Variants in ATG10 observed in about 807,000 individuals in gnomAD.
The protein encoded by ATG10 is ubiquitin-like-conjugating enzyme ATG10.
ATG10 carries 30 observed loss-of-function variants against 32.1 expected under a neutral mutation model. That is an observed-to-expected ratio of 0.94 (90% CI 0.70 to 1.27). ATG10 has a LOEUF of 1.27. Among genes scored for constraint, ATG10 ranks in the 50% most tolerant of loss-of-function variants. The pLI is 0.00. For synonymous variants in ATG10, 87 were observed against 91.5 expected (o/e 0.95, Z 0.28); for missense variants, 233 against 262.3 (o/e 0.89, Z 0.77).
intron 4 of ATG10, among the ~76,000 whole-genome samples, chr5:82,174,696 T>A (rs2149916695): frequency 6.6e-6 from 1 of 152,290 alleles, no homozygotes; most frequent in African/African-American, 2.4e-5. Context: ...TTGGTTGAAT[T>A]TGCTGAATAA....
At chr5:82,203,733 TG>T (rs1185138698) in intron 5 of ATG10, among the ~76,000 whole-genome samples, 6 of 152,296 alleles carry the variant, frequency 3.9e-5, no homozygotes, top group Admixed American at 1.3e-4. Flanking sequence ...CTGTTTGTTC[TG>T]TCTTTTTGAT....
At chr5:82,036,706 G>A (rs1258010693) in intron 2 of ATG10, among the ~76,000 whole-genome samples, 1 of 151,890 alleles carries the variant, frequency 6.6e-6, no homozygotes, top group Non-Finnish European at 1.5e-5. Context: ...ATACATTTTA[G>A]AATTACTTTA....
intron 2 of ATG10, among the ~76,000 whole-genome samples, chr5:81,992,859 A>G (rs1180861260): frequency 2.6e-5 from 4 of 152,224 alleles, no homozygotes; most frequent in Non-Finnish European, 5.9e-5. Flanking sequence ...AAAAGCTTAA[A>G]GTAGGCAAAA....
At chr5:82,007,455 A>C (rs1762015021) in intron 2 of ATG10, among the ~76,000 whole-genome samples, 1 of 152,144 alleles carries the variant, frequency 6.6e-6, no homozygotes, top group Admixed American at 6.5e-5. Context: ...AATAGAATTC[A>C]TATTTTATTT....
At chr5:82,054,689 G>T (rs1427986367) in intron 2 of ATG10, among the ~76,000 whole-genome samples, 1 of 152,122 alleles carries the variant, frequency 6.6e-6, no homozygotes, top group Admixed American at 6.6e-5. Context: ...AAACTTGAAG[G>T]TTCCCTTTGT....
intron 2 of ATG10, among the ~76,000 whole-genome samples, chr5:82,051,754 A>C (rs1226576545): frequency 1.3e-5 from 2 of 152,126 alleles, no homozygotes; most frequent in African/African-American, 4.8e-5. Flanking sequence ...CACATTCAGC[A>C]TTGTGTTCTG....
At chr5:82,009,580 A>G in intron 2 of ATG10, 1 of 1,561,272 alleles carries the variant, frequency 6.4e-7, no homozygotes, top group South Asian at 1.1e-5. Flanking sequence ...TGGTTAAGAT[A>G]AAACACAAGT....
chr5:82,130,196 A>G (rs1204630777), intron 3 of ATG10, among the ~76,000 whole-genome samples: 1 of 152,094 alleles, frequency 6.6e-6, no homozygotes, highest in Non-Finnish European at 1.5e-5. Flanking sequence ...CCCTGTCCCC[A>G]TGAAACTCGA....
chr5:82,037,234 CTTTTTTTT>C (rs1166784267), intron 2 of ATG10, among the ~76,000 whole-genome samples: 6 of 36,928 alleles, frequency 1.6e-4, no homozygotes, highest in Non-Finnish European at 2.9e-4. Flanking sequence ...ATCTCATTTA[CTTTTTTTT>C]TTTTTTTTTT....
intron 7 of ATG10, 148 bp downstream of exon 7, chr5:82,253,577 A>G (rs1747348662): frequency 1.6e-6 from 1 of 615,270 alleles, no homozygotes; most frequent in East Asian, 2.9e-5. Context: ...TCAGTCCCCT[A>G]CCAAGTTATT....
intron 5 of ATG10, among the ~76,000 whole-genome samples, chr5:82,180,290 A>G (rs1482808176): frequency 1.3e-5 from 2 of 152,016 alleles, no homozygotes; most frequent in Non-Finnish European, 2.9e-5. Context: ...TGTTCTTGTG[A>G]TCTTTTCTAG....
chr5:82,039,289 A>G (rs1390002898), intron 2 of ATG10, among the ~76,000 whole-genome samples: 1 of 152,230 alleles, frequency 6.6e-6, no homozygotes, highest in Non-Finnish European at 1.5e-5. Context: ...GAGTCACTTT[A>G]TTTCTGCTTT....
rs1765122590 is a variant in ATG10, at chr5:82,097,857, C to G, written c.216+39255C>G. Among the ~76,000 whole-genome samples the G allele has an allele frequency of 2.6e-5, 4 of 152,252 alleles. No homozygotes were observed. The South Asian group carries it at 8.3e-4, about 32-fold the overall frequency. Reference sequence around the variant, plus strand: ...ACTATGGTGTGTGCTTCAGAGGGATCTGGAATATGGAGCTTGAAAACTAGA... The same window carrying G: ...ACTATGGTGTGTGCTTCAGAGGGATGTGGAATATGGAGCTTGAAAACTAGA... On this transcript the variant is annotated intron_variant, in intron 3 of 7. Transcript: ENST00000282185.
chr5:82,108,792 A>G (rs1183621084), intron 3 of ATG10, among the ~76,000 whole-genome samples: 1 of 152,064 alleles, frequency 6.6e-6, no homozygotes. Flanking sequence ...TCAAATTTTC[A>G]GTCTATGTGA....
chr5:82,159,280 C>T (rs751721642), intron 3 of ATG10, among the ~76,000 whole-genome samples: 6 of 152,104 alleles, frequency 3.9e-5, no homozygotes, highest in Admixed American at 6.5e-5. Flanking sequence ...CTCTGAATGG[C>T]GCACAATTTA....
At chr5:81,981,109 C>T (rs1356642238) in intron 1 of ATG10, among the ~76,000 whole-genome samples, 1 of 152,222 alleles carries the variant, frequency 6.6e-6, no homozygotes, top group Non-Finnish European at 1.5e-5. Context: ...TCTGATGTGT[C>T]TCTGTGCTAT....
chr5:82,138,280 A>T (rs1361697170), intron 3 of ATG10, among the ~76,000 whole-genome samples: 1 of 152,180 alleles, frequency 6.6e-6, no homozygotes, highest in Non-Finnish European at 1.5e-5. Context: ...GTATGAAAAA[A>T]AAACTCCTGC....
At chr5:82,097,721 G>C (rs1217381870) in intron 3 of ATG10, among the ~76,000 whole-genome samples, 1 of 152,096 alleles carries the variant, frequency 6.6e-6, no homozygotes, top group Non-Finnish European at 1.5e-5. Context: ...TTCTACTCTA[G>C]TAGAATGTTT....
At chr5:82,129,448 T>G (rs1409644258) in intron 3 of ATG10, among the ~76,000 whole-genome samples, 1 of 152,092 alleles carries the variant, frequency 6.6e-6, no homozygotes, top group East Asian at 1.9e-4. Context: ...TTTTCAGCCT[T>G]TTTGCACTGA....
Sources: gnomAD v4.1 joint callset for allele counts (sites outside exome capture counted in the v4.1 genomes callset) on GRCh38, gnomAD v4.1.1 for gene constraint, MANE v1.5 for transcripts, NCBI Gene and HGNC (gene_info 2026-07-23, HGNC 2026-07-21) for gene names.